The following GALNT13 variants were observed in gnomAD, a reference collection of about 807,000 sequenced individuals.
The protein encoded by GALNT13 is polypeptide N-acetylgalactosaminyltransferase 13.
A neutral mutation model predicts 64.2 loss-of-function variants in GALNT13; 28 were observed. The ratio of observed to expected loss-of-function variants is 0.44; its 90% confidence interval spans 0.32 to 0.60. The LOEUF is 0.60. Ranked by LOEUF, GALNT13 falls within the 20% of genes least tolerant of loss-of-function variation. The probability of loss-of-function intolerance (pLI) is 0.05; values close to 1 mark genes in which losing one functional copy is unlikely to be tolerated. For synonymous variants in GALNT13, 214 were observed against 224.6 expected, an observed-to-expected ratio of 0.95 and a Z score of 0.42; for missense variants, 577 against 669.8, an observed-to-expected ratio of 0.86 and a Z score of 1.53.
the GALNT13 span, among the ~76,000 whole-genome samples, chr2:153,486,818 A>T: frequency 6.6e-6 from 1 of 152,074 alleles, no homozygotes; most frequent in South Asian, 2.1e-4. Context: ...CTTTCCATGT[A>T]CTCTTTAAAG....
intron 3 of GALNT13, among the ~76,000 whole-genome samples, chr2:153,988,296 T>A (rs1694939168): frequency 6.6e-6 from 1 of 151,926 alleles, no homozygotes; most frequent in Admixed American, 6.6e-5. Context: ...TTTGTATCCT[T>A]TGCTCAACAA....
At chr2:153,390,568 C>A in the GALNT13 span, among the ~76,000 whole-genome samples, 3 of 152,024 alleles carry the variant, frequency 2.0e-5, no homozygotes, top group Admixed American at 2.0e-4. Flanking sequence ...CTTTTACATT[C>A]TATAGCTAGT....
chr2:153,102,860 G>A, the GALNT13 span, among the ~76,000 whole-genome samples: 1 of 152,142 alleles, frequency 6.6e-6, no homozygotes, highest in African/African-American at 2.4e-5. Flanking sequence ...TGTCATGGCA[G>A]TGTCTACCAG....
the GALNT13 span, among the ~76,000 whole-genome samples, chr2:153,515,330 C>A: frequency 6.6e-6 from 1 of 152,200 alleles, no homozygotes; most frequent in Non-Finnish European, 1.5e-5. Flanking sequence ...TAGTCCTTTG[C>A]CGCTCATTGA....
chr2:154,391,237 A>T (rs1313337791), intron 9 of GALNT13, among the ~76,000 whole-genome samples: 1 of 152,200 alleles, frequency 6.6e-6, no homozygotes, highest in Non-Finnish European at 1.5e-5. Context: ...GCCCTAGTGT[A>T]TTCTCAAGGG....
chr2:153,258,404 C>CAAAACAAAACAAAA, the GALNT13 span, among the ~76,000 whole-genome samples: 3 of 151,672 alleles, frequency 2.0e-5, no homozygotes, highest in African/African-American at 4.8e-5. Context: ...CAAAACAAAA[C>CAAAACAAAACAAAA]CCAACTTTTC....
chr2:154,424,261 A>C (rs945892460), intron 11 of GALNT13, among the ~76,000 whole-genome samples: 3 of 152,166 alleles, frequency 2.0e-5, no homozygotes, highest in Non-Finnish European at 4.4e-5. Context: ...TGGAAAGAAC[A>C]TGGGACTTGG....
chr2:153,151,217 G>T, the GALNT13 span, among the ~76,000 whole-genome samples: 1 of 151,500 alleles, frequency 6.6e-6, no homozygotes, highest in African/African-American at 2.4e-5. Flanking sequence ...GCAGCCAAAA[G>T]ACACATGAAA....
intron 9 of GALNT13, among the ~76,000 whole-genome samples, chr2:154,354,167 A>G (rs931932721): frequency 1.3e-5 from 2 of 152,044 alleles, no homozygotes; most frequent in Non-Finnish European, 2.9e-5. Context: ...TTAAACATAC[A>G]TTTTCATATA....
chr2:154,418,575 A>G (rs1286679187), intron 11 of GALNT13, among the ~76,000 whole-genome samples: 2 of 152,168 alleles, frequency 1.3e-5, no homozygotes, highest in East Asian at 3.9e-4. Context: ...ATTTTCCCCC[A>G]GACCCTCTGG....
At chr2:153,440,459 T>G in the GALNT13 span, among the ~76,000 whole-genome samples, 1 of 152,210 alleles carries the variant, frequency 6.6e-6, no homozygotes. Context: ...CCTTTGAGTA[T>G]ATACCCAGTA....
At chr2:154,307,905 A>T (rs1693828417) in intron 9 of GALNT13, among the ~76,000 whole-genome samples, 1 of 152,200 alleles carries the variant, frequency 6.6e-6, no homozygotes, top group Admixed American at 6.5e-5. Context: ...GAACTTTAAG[A>T]TAGACTATAG....
intron 3 of GALNT13, among the ~76,000 whole-genome samples, chr2:154,014,276 G>A (rs1461274216): frequency 6.6e-6 from 1 of 152,146 alleles, no homozygotes; most frequent in East Asian, 1.9e-4. Context: ...CTCGCTGCCA[G>A]ATCAAGTGGT....
At chr2:153,255,722 A>G in the GALNT13 span, among the ~76,000 whole-genome samples, 1 of 152,158 alleles carries the variant, frequency 6.6e-6, no homozygotes, top group African/African-American at 2.4e-5. Context: ...TCCTTCACTT[A>G]TGAAGCTTAG....
chr2:154,086,325 A>G (rs890407756), intron 3 of GALNT13, among the ~76,000 whole-genome samples: 12 of 148,296 alleles, frequency 8.1e-5, no homozygotes, highest in African/African-American at 2.4e-5. Flanking sequence ...ATTATATGTT[A>G]TACATATTAT....
the GALNT13 span, among the ~76,000 whole-genome samples, chr2:153,119,500 G>A: frequency 1.4e-4 from 22 of 152,190 alleles, no homozygotes; most frequent in Non-Finnish European, 2.5e-4. Context: ...CACCATGACC[G>A]CAATATATAG....
intron 3 of GALNT13, among the ~76,000 whole-genome samples, chr2:154,044,324 C>A (rs1246800207): frequency 2.6e-5 from 4 of 152,004 alleles, no homozygotes; most frequent in African/African-American, 7.2e-5. Flanking sequence ...GAGTAGAAAC[C>A]TTGATTAAAA....
chr2:153,662,893 T>C, the GALNT13 span, among the ~76,000 whole-genome samples: 1 of 152,188 alleles, frequency 6.6e-6, no homozygotes, highest in African/African-American at 2.4e-5. Flanking sequence ...TTCCACCATT[T>C]TGTCTAAAAC....
At chr2:154,132,258 G>T (rs1045773258) in intron 3 of GALNT13, among the ~76,000 whole-genome samples, 1 of 152,126 alleles carries the variant, frequency 6.6e-6, no homozygotes, top group Non-Finnish European at 1.5e-5. Context: ...TATAGATAAT[G>T]CAAATGAAAG....
Sources: gnomAD v4.1 joint callset for allele counts (sites outside exome capture counted in the v4.1 genomes callset) on GRCh38, gnomAD v4.1.1 for gene constraint, MANE v1.5 for transcripts, NCBI Gene and HGNC (gene_info 2026-07-23, HGNC 2026-07-21) for gene names.